EFCAB13: variants seen among roughly 807,000 people sequenced by gnomAD.
EFCAB13 encodes the protein EF-hand calcium-binding domain-containing protein 13.
Under a neutral mutation model 110.2 loss-of-function variants are expected in EFCAB13, and 91 were observed. The observed-to-expected ratio is 0.83, with a 90% CI of 0.70 to 0.98. The LOEUF (loss-of-function observed/expected upper bound fraction) is 0.98, where lower values mean the gene tolerates loss of function less well. Among genes scored for constraint, EFCAB13 ranks in the 50% least tolerant of loss-of-function variants. The pLI, the probability that EFCAB13 is intolerant of heterozygous loss-of-function variation, is 0.00. For synonymous variants in EFCAB13, 323 were observed against 369.9 expected, an observed-to-expected ratio of 0.87 and a Z score of 1.45; for missense variants, 968 against 1,119.4, an observed-to-expected ratio of 0.86 and a Z score of 1.93.
intron 4 of EFCAB13, among the ~76,000 whole-genome samples, chr17:47,333,107 C>T (rs529505538): frequency 1.2e-4 from 19 of 152,250 alleles, no homozygotes; most frequent in African/African-American, 4.3e-4. Context: ...GCTGTTCTAA[C>T]AGAATAGCTA....
chr17:47,398,117 G>A (rs547907225), intron 17 of EFCAB13, among the ~76,000 whole-genome samples: 9 of 144,424 alleles, frequency 6.2e-5, no homozygotes, highest in Non-Finnish European at 1.4e-4. Flanking sequence ...GAGGTGGGGG[G>A]GTCAGCCCCC....
intron 23 of EFCAB13, among the ~76,000 whole-genome samples, chr17:47,420,515 C>T (rs1168435153): frequency 2.0e-5 from 3 of 151,916 alleles, no homozygotes; most frequent in Admixed American, 6.5e-5. Flanking sequence ...CGCCTCTTCC[C>T]GGCCGCCATC....
intron 5 of EFCAB13, among the ~76,000 whole-genome samples, chr17:47,337,369 T>A (rs1004781119): frequency 6.6e-6 from 1 of 152,004 alleles, no homozygotes; most frequent in Non-Finnish European, 1.5e-5. Flanking sequence ...ACTACAAATG[T>A]AGGAGGAGGG....
rs1228218686 is a variant in EFCAB13, at chr17:47,441,118, CT to C, written c.*408del. ...TCATTCTTTGTCCCTCTAGTTTTGC[CT>C]TTTGTGGAATATCATGTAAATGATT... On this transcript the variant is annotated 3_prime_UTR_variant, in exon 25 of 25. Coordinates refer to ENST00000331493, the MANE Select transcript of EFCAB13 (RefSeq NM_152347.5). 3 of 153,698 alleles carry C rather than the reference CT, an allele frequency of 2.0e-5. No individual in the cohort carries two copies. Among genetic ancestry groups the C allele is most frequent in the Non-Finnish European group, 4.3e-5 (3 of 69,228 alleles). 9.5% of individuals were successfully genotyped at this position (153,698 alleles called of 1,614,324 possible).
chr17:47,426,897 A>G (rs1408203078), intron 23 of EFCAB13, among the ~76,000 whole-genome samples: 3 of 152,222 alleles, frequency 2.0e-5, no homozygotes, highest in Non-Finnish European at 2.9e-5. Flanking sequence ...TTTGCCTTAA[A>G]TATTTCACAT....
At chr17:47,416,393 C>T (rs905391448) in intron 23 of EFCAB13, among the ~76,000 whole-genome samples, 1 of 151,912 alleles carries the variant, frequency 6.6e-6, no homozygotes, top group Non-Finnish European at 1.5e-5. Flanking sequence ...TTTTTTGTGT[C>T]TAACTTCTTT....
At chr17:47,360,722 A>T (rs931669702) in intron 9 of EFCAB13, among the ~76,000 whole-genome samples, 2 of 152,080 alleles carry the variant, frequency 1.3e-5, no homozygotes, top group African/African-American at 2.4e-5. Flanking sequence ...CTGAATGGTA[A>T]TGCCTAGGTT....
intron 5 of EFCAB13, among the ~76,000 whole-genome samples, chr17:47,340,615 A>G (rs1051798818): frequency 6.6e-6 from 1 of 151,526 alleles, no homozygotes; most frequent in African/African-American, 2.4e-5. Flanking sequence ...TTATTTATTT[A>G]TTTTTGAGAC....
chr17:47,398,014 T>G (rs1461238654), intron 17 of EFCAB13, among the ~76,000 whole-genome samples: 9 of 101,710 alleles, frequency 8.8e-5, no homozygotes, highest in South Asian at 7.0e-4. Context: ...GGGAGGGAGG[T>G]GGGGGGATCA....
chr17:47,419,590 A>G (rs1904561955), intron 23 of EFCAB13, among the ~76,000 whole-genome samples: 1 of 152,284 alleles, frequency 6.6e-6, no homozygotes, highest in Admixed American at 6.5e-5. Flanking sequence ...AATAATAATG[A>G]TGATAATAAT....
intron 23 of EFCAB13, among the ~76,000 whole-genome samples, chr17:47,415,501 T>G (rs1904411976): frequency 6.6e-6 from 1 of 152,066 alleles, no homozygotes; most frequent in African/African-American, 2.4e-5. Context: ...AATATAAAAA[T>G]AAGTGAAGAA....
At chr17:47,430,330 G>GTGT in intron 24 of EFCAB13, 1 of 510,868 alleles carries the variant, frequency 2.0e-6, no homozygotes, top group Non-Finnish European at 2.5e-6. Context: ...ATACCAGGGG[G>GTGT]TGTTGCACAT....
At chr17:47,392,608 A>C (rs770011086) in intron 15 of EFCAB13, among the ~76,000 whole-genome samples, 2 of 152,168 alleles carry the variant, frequency 1.3e-5, no homozygotes, top group Non-Finnish European at 2.9e-5. Flanking sequence ...ACAAACATAC[A>C]TGGCAACATA....
rs775366908 is a variant in EFCAB13 at position 47,377,895 on chromosome 17, G to T, written c.1502G>T (p.Ser501Ile). The T allele has an allele frequency of 6.3e-7, 1 of 1,586,316 alleles. No individual in the cohort carries two copies. Among genetic ancestry groups the T allele is most frequent in the Non-Finnish European group, 8.5e-7 (1 of 1,173,142 alleles). The change falls in exon 13 of 25, where the codon AGT (serine) becomes ATT (isoleucine). Residue 501 changes from serine (S) to isoleucine (I), a missense_variant. Transcript: ENST00000331493. ...EEFQKIVTDT[S>I]RNENGMVELD... Reference sequence around the variant, plus strand: ...TTCCAGAAGATTGTGACAGACACTAGTAGAAATGGTGAGAGACTGATAACA... The same window carrying T: ...TTCCAGAAGATTGTGACAGACACTATTAGAAATGGTGAGAGACTGATAACA...
At chr17:47,386,087 C>T (rs973604200) in intron 14 of EFCAB13, among the ~76,000 whole-genome samples, 9 of 152,202 alleles carry the variant, frequency 5.9e-5, no homozygotes, top group Non-Finnish European at 1.2e-4. Flanking sequence ...GGTCTCTCCC[C>T]ATCAGGAGGT....
At chr17:47,383,853 C>G (rs1341150174) in intron 14 of EFCAB13, among the ~76,000 whole-genome samples, 1 of 152,128 alleles carries the variant, frequency 6.6e-6, no homozygotes, top group Non-Finnish European at 1.5e-5. Flanking sequence ...TCTATTAGGT[C>G]TGCTTAATCT....
At position 47,371,062 on chromosome 17, in the gene EFCAB13, GTTT is replaced by G. The variant is rs779767798; in HGVS notation, c.877+573_877+575del. Reference sequence around the variant, plus strand: ...GCTCTTTGCCCAGTTTTTAATGGTTGTTTTTTTTTTTTTTTTTTTTTACTGTTG... The same window carrying G: ...GCTCTTTGCCCAGTTTTTAATGGTTGTTTTTTTTTTTTTTTTTTACTGTTG... On this transcript the variant is annotated intron_variant, in intron 11 of 24. Coordinates refer to ENST00000331493, the MANE Select transcript of EFCAB13 (RefSeq NM_152347.5). 9.2e-5 allele frequency among the ~76,000 whole-genome samples: 10 copies of G among 108,982 alleles called. No individual in the cohort carries two copies. The East Asian group carries it at 1.1e-3, about 12-fold the overall frequency. 71.5% of individuals were successfully genotyped at this position (108,982 alleles called of 152,430 possible). A position where few individuals can be genotyped will look rare whatever the true frequency, so the allele number is the denominator to read the frequency against.
intron 24 of EFCAB13, among the ~76,000 whole-genome samples, chr17:47,440,160 T>C (rs1252836910): frequency 6.6e-6 from 1 of 152,102 alleles, no homozygotes; most frequent in African/African-American, 2.4e-5. Flanking sequence ...GGAAAATAAA[T>C]AGAAGATGAG....
chr17:47,430,590 G>C (rs1382861530), intron 24 of EFCAB13: 2 of 152,040 alleles, frequency 1.3e-5, no homozygotes, highest in African/African-American at 2.4e-5. Context: ...TAAATGAATA[G>C]GATTAACAAG....
Sources: allele counts gnomAD v4.1 joint callset (sites outside exome capture counted in the v4.1 genomes callset), GRCh38; gene constraint gnomAD v4.1.1; transcripts MANE v1.5; gene names NCBI Gene and HGNC (gene_info 2026-07-23, HGNC 2026-07-21).